Variants in ST18 observed in about 807,000 individuals in gnomAD.
ST18 encodes ST18 C2H2C-type zinc finger transcription factor, also known as suppression of tumorigenicity 18 protein.
Under a neutral mutation model 110.0 loss-of-function variants are expected in ST18, and 50 were observed. The observed-to-expected ratio is 0.45, with a 90% CI of 0.36 to 0.58. ST18 has a LOEUF of 0.58. Ranked by LOEUF, ST18 falls within the 20% of genes least tolerant of loss-of-function variation. The pLI is 0.00. For missense variants in ST18, 1,306 were observed against 1,280.1 expected (o/e 1.02, Z -0.31); for synonymous variants, 461 against 452.4 (o/e 1.02, Z -0.24).
intron 2 of ST18, among the ~76,000 whole-genome samples, chr8:52,358,501 A>C (rs1824180859): frequency 6.6e-6 from 1 of 151,992 alleles, no homozygotes; most frequent in East Asian, 1.9e-4. Flanking sequence ...TAAAACCACA[A>C]ATAAAAGTGG....
At chr8:52,334,928 C>T (rs1811361682) in intron 2 of ST18, among the ~76,000 whole-genome samples, 1 of 152,132 alleles carries the variant, frequency 6.6e-6, no homozygotes, top group Admixed American at 6.6e-5. Flanking sequence ...CACCACCGTC[C>T]CTTTTCTTGT....
intron 23 of ST18, among the ~76,000 whole-genome samples, chr8:52,119,981 A>G (rs558112742): frequency 6.6e-6 from 1 of 152,360 alleles, no homozygotes; most frequent in African/African-American, 2.4e-5. Context: ...CAGTTTAAAT[A>G]TGAGTCATCA....
intron 17 of ST18, among the ~76,000 whole-genome samples, chr8:52,141,768 G>A (rs1008208551): frequency 2.0e-5 from 3 of 152,160 alleles, no homozygotes; most frequent in Non-Finnish European, 4.4e-5. Context: ...GAGCTTAGGA[G>A]AAGCAAGAAG....
At chr8:52,365,430 A>G (rs1379421391) in intron 2 of ST18, among the ~76,000 whole-genome samples, 1 of 152,144 alleles carries the variant, frequency 6.6e-6, no homozygotes, top group Non-Finnish European at 1.5e-5. Context: ...AAAAATGAGG[A>G]GTTGAGTTAA....
At chr8:52,305,322 G>C (rs571544915) in intron 2 of ST18, among the ~76,000 whole-genome samples, 55 of 152,304 alleles carry the variant, frequency 3.6e-4, no homozygotes, top group African/African-American at 1.3e-3. Context: ...GGCCATGCCT[G>C]ATTCTCACTC....
intron 18 of ST18, 60 bp from the exon 19 acceptor site, chr8:52,136,718 A>C (rs1296198660): frequency 4.2e-6 from 6 of 1,420,472 alleles, no homozygotes; most frequent in Non-Finnish European, 3.9e-6. Flanking sequence ...TCTGAGTCAA[A>C]TGGCATCCTG....
chr8:52,388,840 A>G (rs1590602823), intron 2 of ST18, among the ~76,000 whole-genome samples: 1 of 147,500 alleles, frequency 6.8e-6, no homozygotes, highest in Non-Finnish European at 1.5e-5. Context: ...GGGGAGGGAT[A>G]GCTTTAGGAG....
chr8:52,151,347 T>C (rs931054676), intron 15 of ST18, among the ~76,000 whole-genome samples: 3 of 152,230 alleles, frequency 2.0e-5, no homozygotes, highest in Non-Finnish European at 4.4e-5. Flanking sequence ...ATAGATATGC[T>C]TTACTATATT....
At chr8:52,363,012 C>A (rs1369673822) in intron 2 of ST18, among the ~76,000 whole-genome samples, 2 of 152,134 alleles carry the variant, frequency 1.3e-5, no homozygotes, top group Non-Finnish European at 1.5e-5. Context: ...GAGATGGAGA[C>A]CATCCTGGCT....
At chr8:52,406,421 G>A (rs1301536391) in intron 2 of ST18, 1 of 152,520 alleles carries the variant, frequency 6.6e-6, no homozygotes, top group African/African-American at 2.4e-5. Context: ...GGAGTCCTGA[G>A]GCATCTCTCA....
intron 15 of ST18, among the ~76,000 whole-genome samples, chr8:52,157,402 A>T (rs1054801445): frequency 4.6e-5 from 7 of 152,146 alleles, no homozygotes; most frequent in African/African-American, 1.4e-4. Context: ...CTGTATTCTC[A>T]TAGGACAGCC....
At chr8:52,353,285 A>G (rs1821205373) in intron 2 of ST18, among the ~76,000 whole-genome samples, 1 of 152,246 alleles carries the variant, frequency 6.6e-6, no homozygotes, top group African/African-American at 2.4e-5. Context: ...CTGGAAGTAT[A>G]AAATAAGCAC....
intron 2 of ST18, among the ~76,000 whole-genome samples, chr8:52,390,305 A>G (rs945808339): frequency 6.6e-6 from 1 of 152,054 alleles, no homozygotes; most frequent in Non-Finnish European, 1.5e-5. Context: ...TGACTTGGCA[A>G]TCTGTTAGGA....
At chr8:52,158,135 G>A (rs1010774526) in intron 15 of ST18, among the ~76,000 whole-genome samples, 8 of 152,200 alleles carry the variant, frequency 5.3e-5, no homozygotes, top group African/African-American at 1.9e-4. Context: ...TGTGGCATCA[G>A]AAGCCCTTTG....
At chr8:52,151,386 T>C (rs929200131) in intron 15 of ST18, among the ~76,000 whole-genome samples, 2 of 152,254 alleles carry the variant, frequency 1.3e-5, no homozygotes, top group African/African-American at 4.8e-5. Context: ...TTCTAATATG[T>C]TGTACTAAGA....
At chr8:52,326,519 T>C (rs1806493636) in intron 2 of ST18, among the ~76,000 whole-genome samples, 2 of 152,110 alleles carry the variant, frequency 1.3e-5, no homozygotes, top group African/African-American at 4.8e-5. Flanking sequence ...TGGCCACAAG[T>C]GAGCTATATA....
At chr8:52,201,626 A>C (rs990524315) in intron 8 of ST18, among the ~76,000 whole-genome samples, 1 of 152,130 alleles carries the variant, frequency 6.6e-6, no homozygotes, top group Non-Finnish European at 1.5e-5. Context: ...AAAAAACAAA[A>C]AAACTGCTGT....
chr8:52,229,051 A>C (rs1190030109), intron 3 of ST18, among the ~76,000 whole-genome samples: 1 of 152,234 alleles, frequency 6.6e-6, no homozygotes, highest in Non-Finnish European at 1.5e-5. Flanking sequence ...AATAACTATC[A>C]TTTGGATCAA....
At chr8:52,333,672 C>T (rs1384832805) in intron 2 of ST18, among the ~76,000 whole-genome samples, 1 of 152,194 alleles carries the variant, frequency 6.6e-6, no homozygotes, top group African/African-American at 2.4e-5. Context: ...AAAAGAGGAA[C>T]ATACTTTTCT....
Sources: allele counts gnomAD v4.1 joint callset (sites outside exome capture counted in the v4.1 genomes callset), GRCh38; gene constraint gnomAD v4.1.1; transcripts MANE v1.5; gene names NCBI Gene and HGNC (gene_info 2026-07-23, HGNC 2026-07-21).